The following IGSF11 variants were observed in gnomAD, a reference collection of about 807,000 sequenced individuals.
IGSF11 encodes CXADR like 1.
IGSF11 carries 22 observed loss-of-function variants against 41.0 expected under a neutral mutation model. The observed-to-expected ratio is 0.54, with a 90% CI of 0.38 to 0.77. The LOEUF (loss-of-function observed/expected upper bound fraction) is 0.77, where lower values mean the gene tolerates loss of function less well. IGSF11 is among the 30% of genes least tolerant of loss of function. The pLI, the probability that IGSF11 is intolerant of heterozygous loss-of-function variation, is 0.00. For missense variants in IGSF11, 444 were observed against 530.8 expected, an observed-to-expected ratio of 0.84 and a Z score of 1.61; for synonymous variants, 219 against 201.3, an observed-to-expected ratio of 1.09 and a Z score of -0.74.
At chr3:119,122,736 T>G (rs1383790136) in intron 1 of IGSF11, among the ~76,000 whole-genome samples, 2 of 152,148 alleles carry the variant, frequency 1.3e-5, no homozygotes, top group Non-Finnish European at 2.9e-5. Context: ...AGGCCCTAGC[T>G]CTCAGACATT....
At position 119,016,021 on chromosome 3, in the gene IGSF11, C is replaced by T. The variant is rs72970450; in HGVS notation, c.52+18510G>A. Among the ~76,000 whole-genome samples the T allele has an allele frequency of 5.2e-3, 785 of 152,222 alleles. 4 individuals are homozygous for T. Among genetic ancestry groups the T allele is most frequent in the African/African-American group, 0.018 (734 of 41,540 alleles). On this transcript the variant is annotated intron_variant, in intron 1 of 6. Transcript: ENST00000393775. The stretch of plus-strand genomic sequence containing the variant: ...ACTCATCTGAAAGAGTGAGGGAGGA[C>T]ATAAAGAGAAAGCCAGTCTGAGTAG...
intron 1 of IGSF11, among the ~76,000 whole-genome samples, chr3:119,031,149 C>T (rs943232958): frequency 6.6e-6 from 1 of 152,044 alleles, no homozygotes; most frequent in African/African-American, 2.4e-5. Flanking sequence ...CCTGGCTACT[C>T]GGGAGGCTGA....
intron 1 of IGSF11, among the ~76,000 whole-genome samples, chr3:119,004,934 A>G (rs1004276718): frequency 3.3e-5 from 5 of 151,686 alleles, no homozygotes; most frequent in Non-Finnish European, 5.9e-5. Flanking sequence ...AAAAATGTAT[A>G]TTCTGTTGAT....
chr3:118,992,927 C>T (rs543254063), intron 1 of IGSF11, among the ~76,000 whole-genome samples: 33 of 152,182 alleles, frequency 2.2e-4, no homozygotes, highest in African/African-American at 7.7e-4. Context: ...TCTTAAAATT[C>T]AGCAACAAAA....
chr3:118,983,595 C>G (rs993378338), intron 1 of IGSF11: 1 of 152,126 alleles, frequency 6.6e-6, no homozygotes, highest in African/African-American at 2.4e-5. Flanking sequence ...TACATATATC[C>G]TATCCATGCA....
intron 1 of IGSF11, among the ~76,000 whole-genome samples, chr3:119,000,838 T>A (rs1448649661): frequency 6.6e-6 from 1 of 152,094 alleles, no homozygotes; most frequent in East Asian, 1.9e-4. Context: ...TTAGCCAGAG[T>A]GCCTCTGTTC....
intron 1 of IGSF11, among the ~76,000 whole-genome samples, chr3:119,001,448 T>A (rs577325295): frequency 4.1e-5 from 6 of 147,244 alleles, no homozygotes; most frequent in Non-Finnish European, 8.9e-5. Context: ...GTTTTTGTTT[T>A]TTTCTGGCCC....
At chr3:119,112,414 T>A (rs952028765) in intron 1 of IGSF11, among the ~76,000 whole-genome samples, 1 of 152,094 alleles carries the variant, frequency 6.6e-6, no homozygotes, top group Non-Finnish European at 1.5e-5. Context: ...CGGGATATAA[T>A]CTCCTGGTGT....
intron 1 of IGSF11, among the ~76,000 whole-genome samples, chr3:119,064,700 C>G (rs1297931032): frequency 1.3e-5 from 2 of 151,918 alleles, no homozygotes; most frequent in Non-Finnish European, 2.9e-5. Context: ...AGGATTCTTT[C>G]ATTTCTCGCA....
chr3:119,034,458 C>T, intron 1 of IGSF11, 73 bp downstream of exon 1: 2 of 1,371,610 alleles, frequency 1.5e-6, no homozygotes, highest in South Asian at 3.1e-5. Context: ...TCTTTGCCGT[C>T]CCCAAACAGC....
intron 1 of IGSF11, among the ~76,000 whole-genome samples, chr3:119,043,060 T>G (rs548382376): frequency 8.5e-5 from 13 of 152,248 alleles, no homozygotes; most frequent in African/African-American, 3.1e-4. Flanking sequence ...AAGCTGTGGG[T>G]CACAGAAGAG....
chr3:119,126,357 G>A (rs1342865351), intron 1 of IGSF11, among the ~76,000 whole-genome samples: 1 of 152,210 alleles, frequency 6.6e-6, no homozygotes, highest in Non-Finnish European at 1.5e-5. Flanking sequence ...GAGGCTCAGG[G>A]ACAGAATTCA....
chr3:118,979,618 A>G (rs1934500003), intron 1 of IGSF11, among the ~76,000 whole-genome samples: 1 of 152,210 alleles, frequency 6.6e-6, no homozygotes, highest in African/African-American at 2.4e-5. Context: ...ACATTGGTGT[A>G]GGCAAAGATT....
chr3:119,068,990 A>C (rs1942319786), intron 1 of IGSF11, among the ~76,000 whole-genome samples: 1 of 144,776 alleles, frequency 6.9e-6, no homozygotes, highest in Non-Finnish European at 1.5e-5. Context: ...GCAGTGGCGC[A>C]ATCTCAGCTC....
intron 1 of IGSF11, among the ~76,000 whole-genome samples, chr3:119,113,606 T>C (rs751118736): frequency 6.6e-6 from 1 of 152,210 alleles, no homozygotes; most frequent in South Asian, 2.1e-4. Context: ...ACAGCCCCCA[T>C]GACTGCTTTC....
At chr3:119,089,948 C>G (rs2076736681) in intron 1 of IGSF11, among the ~76,000 whole-genome samples, 1 of 152,172 alleles carries the variant, frequency 6.6e-6, no homozygotes, top group Admixed American at 6.5e-5. Flanking sequence ...TCACTTGAAC[C>G]TGGGAGGCAG....
chr3:119,109,957 C>G (rs776378216), upstream of IGSF11, among the ~76,000 whole-genome samples: 21 of 152,158 alleles, frequency 1.4e-4, 1 homozygote, highest in Middle Eastern at 0.02. Context: ...CTGAGAGACA[C>G]TTTGTTATAA....
chr3:119,033,369 G>C (rs1315046201), intron 1 of IGSF11, among the ~76,000 whole-genome samples: 3 of 152,122 alleles, frequency 2.0e-5, no homozygotes, highest in Non-Finnish European at 2.9e-5. Flanking sequence ...AAGATACTTG[G>C]AAGCACAAGT....
chr3:119,077,612 C>A (rs1408068743), intron 1 of IGSF11, among the ~76,000 whole-genome samples: 1 of 152,142 alleles, frequency 6.6e-6, no homozygotes, highest in Non-Finnish European at 1.5e-5. Flanking sequence ...CCCCTTAGAA[C>A]TGGAACAAGA....
Sources: gnomAD v4.1 joint callset for allele counts (sites outside exome capture counted in the v4.1 genomes callset) on GRCh38, gnomAD v4.1.1 for gene constraint, MANE v1.5 for transcripts, NCBI Gene and HGNC (gene_info 2026-07-23, HGNC 2026-07-21) for gene names.